Variants in CAMK2B observed in about 807,000 individuals in gnomAD.
CAMK2B encodes the protein calcium/calmodulin-dependent protein kinase type II subunit beta.
A neutral mutation model predicts 93.7 loss-of-function variants in CAMK2B; 27 were observed. That is an observed-to-expected ratio of 0.29 (90% confidence interval 0.21 to 0.40). CAMK2B has a LOEUF of 0.40. Ranked by LOEUF, CAMK2B falls within the 10% of genes least tolerant of loss-of-function variation. The pLI is 1.00. For missense variants in CAMK2B, 568 were observed against 895.8 expected (o/e 0.63, Z 4.67); for synonymous variants, 374 against 358.8 (o/e 1.04, Z -0.48).
intron 5 of CAMK2B, among the ~76,000 whole-genome samples, chr7:44,249,694 C>T (rs1562900186): frequency 6.6e-6 from 1 of 152,204 alleles, no homozygotes; most frequent in Non-Finnish European, 1.5e-5. Flanking sequence ...GGGACACCAA[C>T]AGGGACTCGG....
At chr7:44,310,805 C>T (rs766347522) in intron 1 of CAMK2B, among the ~76,000 whole-genome samples, 2 of 151,996 alleles carry the variant, frequency 1.3e-5, no homozygotes, top group South Asian at 2.1e-4. Context: ...AATGGGGAGT[C>T]GGTATTTAAT....
intron 1 of CAMK2B, among the ~76,000 whole-genome samples, chr7:44,294,684 C>T (rs776021388): frequency 6.6e-6 from 1 of 152,190 alleles, no homozygotes; most frequent in African/African-American, 2.4e-5. Flanking sequence ...CAAAGTGCAC[C>T]CAGGCCAGCA....
intron 2 of CAMK2B, among the ~76,000 whole-genome samples, chr7:44,269,240 G>A (rs561992821): frequency 2.7e-4 from 41 of 152,328 alleles, no homozygotes; most frequent in African/African-American, 9.1e-4. Context: ...GGGCAGGGTA[G>A]CCTTCAACAT....
chr7:44,226,071 C>T (rs747265260), intron 20 of CAMK2B, among the ~76,000 whole-genome samples: 6 of 152,212 alleles, frequency 3.9e-5, no homozygotes, highest in South Asian at 4.2e-4. Flanking sequence ...GCTGTCTGGA[C>T]TTGGACAGCT....
At position 44,242,303 on chromosome 7, in the gene CAMK2B, G is replaced by C; in HGVS notation, c.734C>G (p.Ala245Gly). The change falls in exon 10 of 24, where the codon GCC (alanine) becomes GGC (glycine). Residue 245 changes from alanine (A) to glycine (G), a missense_variant. Coordinates refer to ENST00000395749, the MANE Select transcript of CAMK2B (RefSeq NM_001220.5). ...CAGCATCTGGTTGATGAGGTTTTTG[G>C]CTTCAGGAGTGACGGTGTCCCACTC... ...SPEWDTVTPE[A>G]KNLINQMLTI... is the part of the protein sequence containing the mutation. 13 of 1,614,082 alleles carry C rather than the reference G, an allele frequency of 8.1e-6. No homozygotes were observed. The highest frequency in any genetic ancestry group is 1.1e-5 in the Non-Finnish European group (13 of 1,179,924).
In CAMK2B at chr7:44,229,513, C is replaced by T. The variant is rs1053051238; in HGVS notation, c.1226-12G>A. The T allele has an allele frequency of 6.7e-6, 9 of 1,341,056 alleles. No homozygotes were observed. In the African/African-American group the frequency reaches 1.4e-4, roughly 21 times the overall value. The allele number at this position is 1,341,056 out of a possible 1,614,324, so 83.1% of individuals were successfully genotyped here. On this transcript the variant is annotated splice_polypyrimidine_tract_variant and intron_variant, in intron 17 of 23. Transcript: ENST00000395749. ...GGGGACCCTGGGGGCTGAGGCGGAA[C>T]AGGTGAGGCAGGCAGGTGGGTGGTG...
At chr7:44,246,656 C>G (rs1447473428) in intron 6 of CAMK2B, among the ~76,000 whole-genome samples, 3 of 151,972 alleles carry the variant, frequency 2.0e-5, no homozygotes. Context: ...CATATGCACT[C>G]ACACCTCTAA....
intron 12 of CAMK2B, among the ~76,000 whole-genome samples, chr7:44,240,207 C>T (rs1386984436): frequency 1.3e-5 from 2 of 152,248 alleles, no homozygotes; most frequent in East Asian, 1.9e-4. Flanking sequence ...CAGACCCCAC[C>T]CCCCTGCCAA....
intron 10 of CAMK2B, 115 bp from the exon 11 acceptor site, chr7:44,241,898 ATTGCG>A: frequency 1.2e-6 from 1 of 815,712 alleles, no homozygotes; most frequent in South Asian, 1.6e-5. Context: ...ACCGGCCACC[ATTGCG>A]GCAAGGGTTG....
At chr7:44,266,740 C>T (rs1218861188) in intron 2 of CAMK2B, among the ~76,000 whole-genome samples, 2 of 152,210 alleles carry the variant, frequency 1.3e-5, no homozygotes, top group African/African-American at 2.4e-5. Context: ...CGGGGCACCC[C>T]TTCCTGAAGG....
At chr7:44,297,057 G>T (rs1218421149) in intron 1 of CAMK2B, among the ~76,000 whole-genome samples, 1 of 152,088 alleles carries the variant, frequency 6.6e-6, no homozygotes, top group Non-Finnish European at 1.5e-5. Context: ...ATAACAATTT[G>T]TTCAAAATAA....
In CAMK2B at chr7:44,234,421, C is replaced by A; in HGVS notation, c.1100G>T (p.Ser367Ile). 2 of 1,543,070 alleles carry A rather than the reference C, an allele frequency of 1.3e-6. No individual in the cohort carries two copies. Among genetic ancestry groups the A allele is most frequent in the South Asian group, 1.3e-5 (1 of 79,446 alleles). The change falls in exon 15 of 24, where the codon AGC becomes ATC. Residue 367 changes from serine to isoleucine, a missense_variant. Transcript: ENST00000395749. ...GGCAGGAGGAAGCGTCCCTTTGGGG[C>A]TGGTGGCGGCTGCACTGTTTTTGGT... ...NSTKNSAAAT[S>I]PKGTLPPAAL...
chr7:44,284,802 T>C (rs1784615625), intron 1 of CAMK2B, among the ~76,000 whole-genome samples: 1 of 152,074 alleles, frequency 6.6e-6, no homozygotes, highest in South Asian at 2.1e-4. Context: ...ATCACATCCT[T>C]AAACTGAAAA....
intron 1 of CAMK2B, among the ~76,000 whole-genome samples, chr7:44,296,048 C>T (rs145453446): frequency 2.6e-5 from 4 of 152,188 alleles, no homozygotes; most frequent in African/African-American, 9.6e-5. Context: ...ACATCATGTC[C>T]AGCTTTCAAT....
intron 14 of CAMK2B, 46 bp from the exon 15 acceptor site, chr7:44,234,507 A>G: frequency 1.3e-6 from 2 of 1,574,694 alleles, no homozygotes; most frequent in Non-Finnish European, 1.7e-6. Context: ...GAAGCCCCTC[A>G]CTCGCCATTC....
chr7:44,239,389 C>T (rs1032376554), intron 13 of CAMK2B, among the ~76,000 whole-genome samples, 200 bp downstream of exon 13: 11 of 152,214 alleles, frequency 7.2e-5, no homozygotes, highest in Non-Finnish European at 1.3e-4. Flanking sequence ...CTCTTACAGG[C>T]GAGGAGCCTT....
At chr7:44,316,560 T>C (rs1038349389) in intron 1 of CAMK2B, among the ~76,000 whole-genome samples, 8 of 152,204 alleles carry the variant, frequency 5.3e-5, no homozygotes, top group African/African-American at 1.9e-4. Context: ...CCTCCTCTTC[T>C]ACTTTTTGGG....
chr7:44,320,566 G>A (rs552804525), intron 1 of CAMK2B, among the ~76,000 whole-genome samples: 6 of 152,316 alleles, frequency 3.9e-5, no homozygotes, highest in African/African-American at 1.2e-4. Context: ...TTAAGCGCTA[G>A]CAACTGTTAC....
At chr7:44,276,387 C>T (rs1449849678) in intron 2 of CAMK2B, among the ~76,000 whole-genome samples, 3 of 152,200 alleles carry the variant, frequency 2.0e-5, no homozygotes, top group Admixed American at 2.0e-4. Flanking sequence ...CACAAGAAAA[C>T]TGCAGTACCG....
Sources: gnomAD v4.1 joint callset for allele counts (sites outside exome capture counted in the v4.1 genomes callset) on GRCh38, gnomAD v4.1.1 for gene constraint, MANE v1.5 for transcripts, NCBI Gene and HGNC (gene_info 2026-07-23, HGNC 2026-07-21) for gene names.